DCLK1: variants seen among roughly 807,000 people sequenced by gnomAD.
DCLK1 encodes the protein serine/threonine-protein kinase DCLK1.
A neutral mutation model predicts 86.2 loss-of-function variants in DCLK1; 16 were observed. That is an observed-to-expected ratio of 0.19 (90% CI 0.13 to 0.28). The LOEUF is 0.28. Among genes scored for constraint, DCLK1 ranks in the 10% least tolerant of loss-of-function variants. The probability of loss-of-function intolerance (pLI) is 1.00; values close to 1 mark genes in which losing one functional copy is unlikely to be tolerated. For synonymous variants in DCLK1, 369 were observed against 370.5 expected, an observed-to-expected ratio of 1.00 and a Z score of 0.05; for missense variants, 590 against 940.2, an observed-to-expected ratio of 0.63 and a Z score of 4.87.
chr13:36,126,556 A>G (rs1400704770), intron 1 of DCLK1, among the ~76,000 whole-genome samples: 1 of 151,780 alleles, frequency 6.6e-6, no homozygotes, highest in Non-Finnish European at 1.5e-5. Context: ...GGATGATGTT[A>G]TTTTGAGATC....
At chr13:35,886,494 C>G (rs1456787063) in intron 4 of DCLK1, among the ~76,000 whole-genome samples, 27 of 151,932 alleles carry the variant, frequency 1.8e-4, no homozygotes, top group Admixed American at 1.8e-3. Flanking sequence ...AGAAAAAGCT[C>G]CCCCCGATGT....
chr13:36,116,577 C>T (rs6563348), intron 2 of DCLK1, among the ~76,000 whole-genome samples: 90,542 of 151,902 alleles, frequency 0.6, 27,642 homozygotes, highest in East Asian at 0.86. Flanking sequence ...AGTTCTGATA[C>T]TACTTAACTT....
chr13:36,079,120 G>A (rs1211991358), intron 3 of DCLK1, among the ~76,000 whole-genome samples: 4 of 152,244 alleles, frequency 2.6e-5, no homozygotes, highest in South Asian at 2.1e-4. Flanking sequence ...ATGTCAGGGC[G>A]GTTGTGGAAA....
intron 3 of DCLK1, among the ~76,000 whole-genome samples, chr13:35,963,399 TG>T (rs1878561899): frequency 6.6e-6 from 1 of 152,182 alleles, no homozygotes; most frequent in South Asian, 2.1e-4. Flanking sequence ...TTGAATGTTT[TG>T]GTAGGGTAGG....
At chr13:36,012,329 T>C (rs1351401165) in intron 3 of DCLK1, among the ~76,000 whole-genome samples, 1 of 151,950 alleles carries the variant, frequency 6.6e-6, no homozygotes, top group Non-Finnish European at 1.5e-5. Context: ...GTCTCGATGG[T>C]CTTTACATTT....
intron 3 of DCLK1, among the ~76,000 whole-genome samples, chr13:35,979,686 A>G (rs771559404): frequency 1.3e-5 from 2 of 152,260 alleles, no homozygotes; most frequent in Non-Finnish European, 2.9e-5. Flanking sequence ...GCGAAAGGCC[A>G]ATCACGGTCA....
chr13:35,780,516 T>A (rs937561848), intron 16 of DCLK1, among the ~76,000 whole-genome samples: 1 of 152,174 alleles, frequency 6.6e-6, no homozygotes, highest in East Asian at 1.9e-4. Context: ...TAACCAAGGA[T>A]GCAGCTCTAA....
chr13:36,107,943 A>G (rs1292046463), intron 3 of DCLK1, among the ~76,000 whole-genome samples: 2 of 152,166 alleles, frequency 1.3e-5, no homozygotes, highest in Non-Finnish European at 2.9e-5. Context: ...CTTGGGCAAG[A>G]GGAAGAGACT....
chr13:35,997,398 C>T (rs368353723), intron 3 of DCLK1, among the ~76,000 whole-genome samples: 1 of 152,182 alleles, frequency 6.6e-6, no homozygotes, highest in Non-Finnish European at 1.5e-5. Flanking sequence ...ATCTCAAAAA[C>T]TTGCTTTGGA....
chr13:35,869,035 C>A, intron 5 of DCLK1: 1 of 470,412 alleles, frequency 2.1e-6, no homozygotes, highest in South Asian at 1.5e-5. Flanking sequence ...AAGTGATCCA[C>A]CCCCATCAAC....
intron 16 of DCLK1, among the ~76,000 whole-genome samples, chr13:35,781,573 G>A (rs1348990878): frequency 6.6e-6 from 1 of 152,170 alleles, no homozygotes; most frequent in Non-Finnish European, 1.5e-5. Flanking sequence ...TTTCTGTCAT[G>A]GCAGTAATTA....
chr13:35,912,197 T>C (rs1702872376), intron 4 of DCLK1, among the ~76,000 whole-genome samples: 1 of 152,134 alleles, frequency 6.6e-6, no homozygotes, highest in Non-Finnish European at 1.5e-5. Flanking sequence ...CAGGCAATGC[T>C]TGGCCAACTC....
intron 3 of DCLK1, among the ~76,000 whole-genome samples, chr13:36,013,748 G>T (rs1881397932): frequency 6.6e-6 from 1 of 152,184 alleles, no homozygotes; most frequent in Non-Finnish European, 1.5e-5. Flanking sequence ...AGCTGTGGTG[G>T]GCTCCACCCA....
chr13:35,834,251 A>T (rs564876083), intron 8 of DCLK1, among the ~76,000 whole-genome samples: 97 of 152,292 alleles, frequency 6.4e-4, no homozygotes, highest in African/African-American at 2.2e-3. Context: ...ATAAGCACAC[A>T]TTTATTTGCA....
chr13:35,958,238 CAT>C lies in DCLK1; in HGVS notation c.724-10783_724-10782del, dbSNP rs1566620930. Among the ~76,000 whole-genome samples, 129 of 40,818 alleles carry C rather than the reference CAT, an allele frequency of 3.2e-3. 2 individuals are homozygous for C. The highest frequency in any genetic ancestry group is 0.015 in the African/African-American group (97 of 6,528). 26.8% of individuals were successfully genotyped at this position (40,818 alleles called of 152,430 possible). A position where few individuals can be genotyped will look rare whatever the true frequency, so the allele number is the denominator to read the frequency against. ...TCACCACCACCACTATAACCACCATCATCACCACCACCACTACCACTACTATA... is the reference window on the plus strand; with the variant it reads ...TCACCACCACCACTATAACCACCATCCACCACCACCACTACCACTACTATA... On this transcript the variant is annotated intron_variant, in intron 3 of 16. Transcript: ENST00000360631.
intron 4 of DCLK1, among the ~76,000 whole-genome samples, chr13:35,936,961 G>GCTTTTTTTTTTTTTTTTT (rs1876785878): frequency 1.1e-5 from 1 of 91,560 alleles, no homozygotes; most frequent in African/African-American, 3.8e-5. Flanking sequence ...AGAAAAGTTA[G>GCTTTTTTTTTTTTTTTTT]CTTTTTTTTT....
chr13:36,055,664 A>G (rs111828767), intron 3 of DCLK1, among the ~76,000 whole-genome samples: 2,094 of 152,316 alleles, frequency 0.014, 51 homozygotes, highest in African/African-American at 0.048. Context: ...TCATAAATCC[A>G]TGTCACATTT....
chr13:35,861,491 T>G (rs2153112372), intron 5 of DCLK1, among the ~76,000 whole-genome samples: 1 of 152,202 alleles, frequency 6.6e-6, no homozygotes, highest in Non-Finnish European at 1.5e-5. Flanking sequence ...GGACCCACGG[T>G]GACCACCAAA....
chr13:36,113,690 G>A (rs1885688773), intron 2 of DCLK1, among the ~76,000 whole-genome samples: 1 of 152,042 alleles, frequency 6.6e-6, no homozygotes, highest in Admixed American at 6.5e-5. Context: ...TTTCTGGGTG[G>A]TAGTTTATTT....
Sources: gnomAD v4.1 joint callset for allele counts (sites outside exome capture counted in the v4.1 genomes callset) on GRCh38, gnomAD v4.1.1 for gene constraint, MANE v1.5 for transcripts, NCBI Gene and HGNC (gene_info 2026-07-23, HGNC 2026-07-21) for gene names.